GPHN: variants seen among roughly 807,000 people sequenced by gnomAD.
The protein encoded by GPHN is gephyrin.
A neutral mutation model predicts 95.5 loss-of-function variants in GPHN; 17 were observed. The observed-to-expected ratio is 0.18, with a 90% CI of 0.12 to 0.27. The LOEUF is 0.27. GPHN is among the 10% of genes least tolerant of loss of function. The probability of loss-of-function intolerance (pLI) is 1.00; values close to 1 mark genes in which losing one functional copy is unlikely to be tolerated. For synonymous variants in GPHN, 320 were observed against 322.5 expected (o/e 0.99, Z 0.08); for missense variants, 660 against 978.1 (o/e 0.67, Z 4.34).
the GPHN span, among the ~76,000 whole-genome samples, chr14:67,359,360 A>G: frequency 6.6e-6 from 1 of 152,206 alleles, no homozygotes; most frequent in East Asian, 1.9e-4. Flanking sequence ...GCCCGGCTCA[A>G]TAAGGGTATG....
At chr14:67,586,112 T>C in the GPHN span, 1 of 1,613,300 alleles carries the variant, frequency 6.2e-7, no homozygotes, top group Non-Finnish European at 8.5e-7. Flanking sequence ...GTCTGACAGC[T>C]GTTAAAACGT....
chr14:67,116,429 T>C (rs530861543), intron 16 of GPHN, among the ~76,000 whole-genome samples: 8 of 152,000 alleles, frequency 5.3e-5, no homozygotes, highest in Non-Finnish European at 1.2e-4. Context: ...GCTTAGGAGA[T>C]GGGTGCACCA....
chr14:67,676,387 A>G, the GPHN span, among the ~76,000 whole-genome samples: 2 of 152,286 alleles, frequency 1.3e-5, no homozygotes, highest in South Asian at 4.1e-4. Flanking sequence ...CCACAGCACA[A>G]TGCTGGGACT....
At chr14:67,631,969 G>C in the GPHN span, among the ~76,000 whole-genome samples, 1 of 152,106 alleles carries the variant, frequency 6.6e-6, no homozygotes, top group Admixed American at 6.6e-5. Context: ...CTACCTCATG[G>C]GCTCAAGTGA....
At chr14:67,108,712 G>GGTGTGTGTGT (rs3063159) in intron 13 of GPHN, among the ~76,000 whole-genome samples, 49 of 131,208 alleles carry the variant, frequency 3.7e-4, no homozygotes, top group East Asian at 2.0e-3. Flanking sequence ...TTCCCTAAGG[G>GGTGTGTGTGT]GTGTGTGTGT....
At chr14:67,288,256 A>G in the GPHN span, among the ~76,000 whole-genome samples, 2 of 151,858 alleles carry the variant, frequency 1.3e-5, no homozygotes, top group African/African-American at 2.4e-5. Flanking sequence ...ATTTTTTTGT[A>G]TTTTCAGTAG....
At chr14:66,875,733 G>T (rs1243226507) in intron 4 of GPHN, among the ~76,000 whole-genome samples, 1 of 152,042 alleles carries the variant, frequency 6.6e-6, no homozygotes, top group Non-Finnish European at 1.5e-5. Context: ...CCCAATACAG[G>T]AGCACCCAGA....
the GPHN span, chr14:67,656,381 C>CA: frequency 2.0e-6 from 3 of 1,529,080 alleles, no homozygotes; most frequent in South Asian, 2.7e-5. Flanking sequence ...CTAATTACCC[C>CA]ATACTTGCCC....
intron 1 of GPHN, among the ~76,000 whole-genome samples, chr14:66,552,919 G>A (rs1442680342): frequency 1.3e-5 from 2 of 149,934 alleles, no homozygotes; most frequent in East Asian, 3.9e-4. Context: ...ATGTATCTCA[G>A]TGTGGTTCTC....
At chr14:67,591,110 CATA>C in the GPHN span, among the ~76,000 whole-genome samples, 1 of 151,958 alleles carries the variant, frequency 6.6e-6, no homozygotes, top group Non-Finnish European at 1.5e-5. Context: ...GATACAAATA[CATA>C]ATATTCAGAT....
chr14:67,064,918 G>A (rs1175664530), intron 11 of GPHN, among the ~76,000 whole-genome samples: 4 of 151,994 alleles, frequency 2.6e-5, no homozygotes, highest in East Asian at 3.8e-4. Context: ...AGGGTTTTTC[G>A]TGTCTCTGTC....
chr14:66,831,304 G>A (rs76034730), intron 4 of GPHN, among the ~76,000 whole-genome samples: 2,381 of 152,224 alleles, frequency 0.016, 33 homozygotes, highest in Non-Finnish European at 0.018. Context: ...GCTAAAATTA[G>A]TCATATTGAA....
chr14:66,531,293 G>C (rs747883202), intron 1 of GPHN, among the ~76,000 whole-genome samples: 17 of 152,084 alleles, frequency 1.1e-4, no homozygotes, highest in Admixed American at 2.0e-4. Context: ...TCTTTTGCAG[G>C]TGAGTTTGTG....
intron 1 of GPHN, among the ~76,000 whole-genome samples, chr14:66,638,207 G>C (rs2064204750): frequency 6.6e-6 from 1 of 152,094 alleles, no homozygotes; most frequent in Admixed American, 6.5e-5. Context: ...GCTGAGGTGG[G>C]TGAATCACTT....
the GPHN span, among the ~76,000 whole-genome samples, chr14:67,457,890 C>A: frequency 6.6e-6 from 1 of 152,254 alleles, no homozygotes; most frequent in Non-Finnish European, 1.5e-5. Context: ...GCTGGCTGGC[C>A]TCTGAGGTGA....
At chr14:66,996,405 T>G (rs1343112485) in intron 9 of GPHN, among the ~76,000 whole-genome samples, 2 of 152,224 alleles carry the variant, frequency 1.3e-5, no homozygotes, top group Non-Finnish European at 2.9e-5. Context: ...TTATGAATGA[T>G]GCACTGTTGT....
the GPHN span, chr14:67,726,913 T>C: frequency 2.8e-6 from 4 of 1,431,422 alleles, no homozygotes; most frequent in Non-Finnish European, 3.9e-6. Flanking sequence ...TGAAGTCCTC[T>C]TGGCTCCCAC....
the GPHN span, chr14:67,374,653 A>C: frequency 1.5e-6 from 1 of 687,846 alleles, no homozygotes; most frequent in Middle Eastern, 3.9e-4. Context: ...CTTATGATCT[A>C]ATATTCTCAA....
At chr14:67,110,397 T>C in intron 14 of GPHN, 138 bp downstream of exon 14, 1 of 837,098 alleles carries the variant, frequency 1.2e-6, no homozygotes, top group Non-Finnish European at 2.0e-6. Context: ...TGGTGGGATC[T>C]TATATTGTAG....
Sources: allele counts gnomAD v4.1 joint callset (sites outside exome capture counted in the v4.1 genomes callset), GRCh38; gene constraint gnomAD v4.1.1; transcripts MANE v1.5; gene names NCBI Gene and HGNC (gene_info 2026-07-23, HGNC 2026-07-21).